Variants in CCR5AS observed in about 807,000 individuals in gnomAD.
CCR5AS encodes CCR5 antisense RNA.
At chr3:46,402,475 G>C (rs754841075) in intron 1 of CCR5AS, among the ~76,000 whole-genome samples, 22 of 152,130 alleles carry the variant, frequency 1.4e-4, no homozygotes, top group Non-Finnish European at 2.9e-4. Context: ...TTCCCATTAA[G>C]AAGCAGTGGT....
intron 1 of CCR5AS, among the ~76,000 whole-genome samples, chr3:46,405,796 T>G (rs2106784722): frequency 6.6e-6 from 1 of 152,290 alleles, no homozygotes; most frequent in Admixed American, 6.5e-5. Flanking sequence ...ATCACATATT[T>G]GTCTGGGCTC....
chr3:46,377,100 G>A (rs539366571), intron 2 of CCR5AS, among the ~76,000 whole-genome samples: 4 of 152,298 alleles, frequency 2.6e-5, no homozygotes, highest in African/African-American at 9.6e-5. Flanking sequence ...AAGGCAGTGC[G>A]GCAGGGAGGT....
chr3:46,373,734 G>C (rs769404562), intron 2 of CCR5AS: 1 of 1,614,034 alleles, frequency 6.2e-7, no homozygotes, highest in Non-Finnish European at 8.5e-7. Context: ...GTTGGACCAA[G>C]CTATGCAGGT....
intron 1 of CCR5AS, among the ~76,000 whole-genome samples, chr3:46,397,818 A>G (rs1701973669): frequency 6.6e-6 from 1 of 152,240 alleles, no homozygotes. Context: ...GGCACTAAAT[A>G]TCTATGAGAT....
intron 3 of CCR5AS, among the ~76,000 whole-genome samples, chr3:46,368,127 A>C (rs1701617743): frequency 6.6e-6 from 1 of 152,154 alleles, no homozygotes; most frequent in Non-Finnish European, 1.5e-5. Context: ...CAGCAAAGCA[A>C]TGCTTGGAAC....
intron 2 of CCR5AS, among the ~76,000 whole-genome samples, chr3:46,388,878 C>A (rs1338691094): frequency 1.3e-5 from 2 of 152,074 alleles, no homozygotes; most frequent in African/African-American, 4.8e-5. Context: ...TTGGAGGGTG[C>A]CCTGTCAGCA....
chr3:46,375,639 C>T (rs1247145886), intron 2 of CCR5AS: 1 of 165,338 alleles, frequency 6.0e-6, no homozygotes, highest in Non-Finnish European at 1.5e-5. Context: ...AATTTACCAG[C>T]CTCCGTATTT....
At chr3:46,366,735 G>A (rs1396614134) in intron 3 of CCR5AS, among the ~76,000 whole-genome samples, 1 of 152,200 alleles carries the variant, frequency 6.6e-6, no homozygotes, top group African/African-American at 2.4e-5. Flanking sequence ...AGGTAAAGAG[G>A]CTGTCACCTG....
Position 46,400,478 on chromosome 3 carries a change from C to T in CCR5AS, n.163+6419G>A, listed in dbSNP as rs545680317. On this transcript the variant is annotated intron_variant and non_coding_transcript_variant, in intron 1 of 3. Coordinates refer to ENST00000451485, the Ensembl canonical transcript of CCR5AS. Reference sequence around the variant, plus strand: ...GGGCTGATAGTCAGAGGCTGGAAGGCTTGATGAACAACACATATTACACAA... The same window carrying T: ...GGGCTGATAGTCAGAGGCTGGAAGGTTTGATGAACAACACATATTACACAA... Among the ~76,000 whole-genome samples the T allele has an allele frequency of 4.6e-5, 7 of 152,248 alleles. No individual in the cohort carries two copies. The East Asian group carries it at 1.3e-3, about 29-fold the overall frequency.
chr3:46,388,569 T>A (rs1481045695), intron 2 of CCR5AS, among the ~76,000 whole-genome samples: 1 of 152,200 alleles, frequency 6.6e-6, no homozygotes, highest in East Asian at 1.9e-4. Context: ...GAGTTTTTTT[T>A]ATGTTGTCAT....
At chr3:46,384,910 T>C (rs62246132) in intron 2 of CCR5AS, among the ~76,000 whole-genome samples, 54,296 of 121,628 alleles carry the variant, frequency 0.45, 13,642 homozygotes, top group African/African-American at 0.75. Context: ...GATAGATAGA[T>C]AGACAGACAG....
intron 1 of CCR5AS, among the ~76,000 whole-genome samples, chr3:46,397,989 C>T (rs1458411636): frequency 6.6e-6 from 1 of 152,188 alleles, no homozygotes; most frequent in African/African-American, 2.4e-5. Context: ...AAGGCTGAAG[C>T]CTATGGGGTA....
rs190094030 is a variant in CCR5AS, at chr3:46,375,364, G to A, written n.392-3947C>T. 3 of 167,080 alleles carry A rather than the reference G, an allele frequency of 1.8e-5. No homozygotes were observed. The East Asian group carries it at 5.8e-4, about 32-fold the overall frequency. The allele number at this position is 167,080 out of a possible 1,614,324, so 10.3% of individuals were successfully genotyped here. On this transcript the variant is annotated intron_variant and non_coding_transcript_variant, in intron 2 of 3. Transcript: ENST00000451485. ...ATGGGTTGTTGGGAGGATTCTATGA[G>A]GCAACCACAGGCAGCATTTAGCACA...
At chr3:46,365,225 G>A (rs1172443379) in intron 3 of CCR5AS, among the ~76,000 whole-genome samples, 1 of 152,138 alleles carries the variant, frequency 6.6e-6, no homozygotes, top group Non-Finnish European at 1.5e-5. Flanking sequence ...GACCAAGGTG[G>A]CAAATTGCAT....
In CCR5AS at chr3:46,383,445, GC is replaced by G. The variant is rs1701831993; in HGVS notation, n.391+9379del. Among the ~76,000 whole-genome samples the G allele has an allele frequency of 3.9e-5, 6 of 152,178 alleles. No individual in the cohort carries two copies. The South Asian group carries it at 1.2e-3, about 32-fold the overall frequency. On this transcript the variant is annotated intron_variant and non_coding_transcript_variant, in intron 2 of 3. Transcript: ENST00000451485. ...AATTAACGTGTTAAGAGCTAGGTAA[GC>G]AAAACCCAATGAGAAGTTCTGGCAA...
chr3:46,389,601 T>C (rs1575285448), intron 2 of CCR5AS, among the ~76,000 whole-genome samples: 1 of 152,020 alleles, frequency 6.6e-6, no homozygotes, highest in Non-Finnish European at 1.5e-5. Context: ...ATTTCAGCTG[T>C]GTGTAAGGAA....
intron 2 of CCR5AS, among the ~76,000 whole-genome samples, chr3:46,389,241 C>T (rs1019748026): frequency 6.6e-6 from 1 of 152,186 alleles, no homozygotes; most frequent in Non-Finnish European, 1.5e-5. Flanking sequence ...GGGGTGAGTA[C>T]TTGCGACTTC....
At chr3:46,406,244 C>T (rs564621835) in intron 1 of CCR5AS, among the ~76,000 whole-genome samples, 1 of 152,238 alleles carries the variant, frequency 6.6e-6, no homozygotes, top group Non-Finnish European at 1.5e-5. Flanking sequence ...TCAGACACAT[C>T]TTTGGTGGGA....
chr3:46,401,773 T>C (rs942283260), intron 1 of CCR5AS, among the ~76,000 whole-genome samples: 2 of 148,838 alleles, frequency 1.3e-5, no homozygotes, highest in African/African-American at 2.4e-5. Flanking sequence ...ATTAATAATA[T>C]TAATTTATTA....
Sources: gnomAD v4.1 joint callset for allele counts (sites outside exome capture counted in the v4.1 genomes callset) on GRCh38, gnomAD v4.1.1 for gene constraint, MANE v1.5 for transcripts, NCBI Gene and HGNC (gene_info 2026-07-23, HGNC 2026-07-21) for gene names.